Variants in COL22A1 observed in about 807,000 individuals in gnomAD.
The protein encoded by COL22A1 is collagen type XXII alpha 1 chain, also known as collagen alpha-1(XXII) chain.
COL22A1 carries 221 observed loss-of-function variants against 248.9 expected under a neutral mutation model. That is an observed-to-expected ratio of 0.89 (90% confidence interval 0.80 to 0.99). COL22A1 has a LOEUF of 0.99. COL22A1 is among the 50% of genes least tolerant of loss of function. The pLI is 0.00. For missense variants in COL22A1, 2,240 were observed against 2,179.0 expected (o/e 1.03, Z -0.56); for synonymous variants, 891 against 793.4 (o/e 1.12, Z -2.07).
intron 52 of COL22A1, among the ~76,000 whole-genome samples, chr8:138,619,742 C>T (rs1284087645): frequency 6.6e-6 from 1 of 152,118 alleles, no homozygotes; most frequent in Non-Finnish European, 1.5e-5. Flanking sequence ...GTTGCATCTC[C>T]AAATTAATTA....
chr8:138,811,781 G>A lies in COL22A1; in HGVS notation c.1449+18C>T, dbSNP rs770107532. The A allele has an allele frequency of 6.2e-7, 1 of 1,610,978 alleles. No homozygotes were observed. Among genetic ancestry groups the A allele is most frequent in the South Asian group, 1.1e-5 (1 of 90,974 alleles). On this transcript the variant is annotated intron_variant, in intron 9 of 64. Transcript: ENST00000303045. ...ACCCAGGGTTCTGCTGGGGCTGAAG[G>A]TGGACTGCAGACAATACCTTCTCTC... is the stretch of plus-strand genomic sequence containing the variant.
At chr8:138,682,557 A>G (rs892210008) in intron 39 of COL22A1, among the ~76,000 whole-genome samples, 10 of 152,206 alleles carry the variant, frequency 6.6e-5, no homozygotes, top group Non-Finnish European at 7.3e-5. Context: ...TTCACTGGAT[A>G]TGGGCATACC....
chr8:138,639,903 C>A (rs947918099), intron 47 of COL22A1, among the ~76,000 whole-genome samples: 1 of 152,166 alleles, frequency 6.6e-6, no homozygotes, highest in Admixed American at 6.5e-5. Context: ...GAGAAGTTTA[C>A]CTTTGCTTTG....
intron 30 of COL22A1, among the ~76,000 whole-genome samples, chr8:138,711,810 G>T (rs79511148): frequency 0.044 from 6,670 of 152,256 alleles, 198 homozygotes; most frequent in East Asian, 0.12. Context: ...AAGGATGCAA[G>T]AGCCCTCTGG....
rs776883280 is a variant in COL22A1, at chr8:138,685,304, C to A, written c.2871G>T (p.Ala957=). ...KDGERGEKGA[A]GEEGSPGPVG... is the part of the protein sequence containing the mutation. Reference sequence around the variant, plus strand: ...CTGGCCCTGGGCTGCCTTCTTCCCCCGCTGCACCCTGGAAAGAAAAGTAGA... The same window carrying A: ...CTGGCCCTGGGCTGCCTTCTTCCCCAGCTGCACCCTGGAAAGAAAAGTAGA... Residue 957 remains alanine (A), a synonymous_variant, in exon 38 of 65, where the codon GCG becomes GCT. Coordinates refer to ENST00000303045, the MANE Select transcript of COL22A1 (RefSeq NM_152888.3). 2 of 1,613,478 alleles carry A rather than the reference C, an allele frequency of 1.2e-6. No individual in the cohort carries two copies. Among genetic ancestry groups the A allele is most frequent in the African/African-American group, 2.7e-5 (2 of 74,902 alleles).
At chr8:138,858,896 G>C (rs142026903) in intron 3 of COL22A1, among the ~76,000 whole-genome samples, 49 of 152,332 alleles carry the variant, frequency 3.2e-4, no homozygotes, top group African/African-American at 1.1e-3. Context: ...CTGGAGAGGA[G>C]ATAGGCCTTC....
At chr8:138,865,697 T>C (rs1822821340) in intron 3 of COL22A1, among the ~76,000 whole-genome samples, 1 of 148,876 alleles carries the variant, frequency 6.7e-6, no homozygotes, top group South Asian at 2.1e-4. Flanking sequence ...GTGTATATGT[T>C]TGTATGCCTG....
intron 1 of COL22A1, among the ~76,000 whole-genome samples, chr8:138,907,183 T>C (rs1273633462): frequency 6.6e-6 from 1 of 152,188 alleles, no homozygotes; most frequent in Non-Finnish European, 1.5e-5. Flanking sequence ...TGTGGGGCTC[T>C]CCAGCTCATT....
At chr8:138,883,301 C>A in intron 1 of COL22A1, 57 bp from the exon 2 acceptor site, 1 of 954,862 alleles carries the variant, frequency 1.0e-6, no homozygotes, top group Non-Finnish European at 1.5e-6. Flanking sequence ...CTGTGAGAGG[C>A]AAACTCTGGG....
At chr8:138,670,209 C>A (rs938283114) in intron 41 of COL22A1, among the ~76,000 whole-genome samples, 6 of 152,084 alleles carry the variant, frequency 3.9e-5, no homozygotes, top group Non-Finnish European at 4.4e-5. Context: ...ATATAAAAAC[C>A]AACTCCTGGT....
intron 1 of COL22A1, among the ~76,000 whole-genome samples, chr8:138,889,067 T>C (rs1390643709): frequency 6.6e-6 from 1 of 152,190 alleles, no homozygotes; most frequent in East Asian, 1.9e-4. Flanking sequence ...GATTATTGCA[T>C]GAGCTCATGT....
In COL22A1 at chr8:138,756,431, C is replaced by T. The variant is rs144996619; in HGVS notation, c.1903-602G>A. 1.7e-4 allele frequency among the ~76,000 whole-genome samples: 26 copies of T among 152,202 alleles called. No individual in the cohort carries two copies. The East Asian group carries it at 2.1e-3, about 12-fold the overall frequency. On this transcript the variant is annotated intron_variant, in intron 18 of 64. Transcript: ENST00000303045. The stretch of plus-strand genomic sequence containing the variant: ...GCCTGACCGGATGTTCCAGCGTGTG[C>T]GCTACAACTTGGTCCTAAATGAAGC...
At chr8:138,626,042 AG>A (rs1820209459) in intron 51 of COL22A1, 147 bp downstream of exon 51, 1 of 615,100 alleles carries the variant, frequency 1.6e-6, no homozygotes, top group Non-Finnish European at 2.7e-6. Context: ...TAAACAAGTT[AG>A]TGATTATTTT....
chr8:138,877,797 T>C lies in COL22A1; in HGVS notation c.611A>G (p.Asn204Ser), dbSNP rs760480324. The part of the protein sequence containing the change: ...SAHVFHVSDF[N>S]AIDKIRGKLR... ...CTTGCCCCGGATCTTGTCGATGGCA[T>C]TGAAGTCGGACACGTGGAAGACGTG... The change falls in exon 3 of 65, where the codon AAT (asparagine) becomes AGT (serine). Residue 204 changes from asparagine (N) to serine (S), a missense_variant. Transcript: ENST00000303045. The C allele has an allele frequency of 1.5e-5, 24 of 1,609,076 alleles. No individual in the cohort carries two copies. Among genetic ancestry groups the C allele is most frequent in the Admixed American group, 6.7e-5 (4 of 59,290 alleles).
intron 40 of COL22A1, among the ~76,000 whole-genome samples, chr8:138,678,082 T>C (rs1825699867): frequency 6.6e-6 from 1 of 152,224 alleles, no homozygotes. Context: ...TTTCCTATAG[T>C]ACAACCGTTG....
chr8:138,694,294 C>A (rs183821701), intron 34 of COL22A1, among the ~76,000 whole-genome samples: 29 of 152,314 alleles, frequency 1.9e-4, no homozygotes, highest in African/African-American at 6.5e-4. Context: ...AGAGTAGGGA[C>A]ATCCAGGGGT....
At chr8:138,727,174 G>A (rs556319766) in intron 23 of COL22A1, among the ~76,000 whole-genome samples, 3 of 152,044 alleles carry the variant, frequency 2.0e-5, no homozygotes, top group Admixed American at 6.6e-5. Flanking sequence ...AGTTCACCAC[G>A]CCCTCCTCCC....
intron 16 of COL22A1, among the ~76,000 whole-genome samples, chr8:138,766,970 GACC>G (rs751192101): frequency 3.9e-5 from 6 of 152,184 alleles, no homozygotes; most frequent in Non-Finnish European, 7.3e-5. Context: ...CTGAGAGTGA[GACC>G]CCGGGCTCCG....
intron 12 of COL22A1, among the ~76,000 whole-genome samples, chr8:138,794,263 T>G (rs753792763): frequency 1.6e-4 from 24 of 152,072 alleles, no homozygotes; most frequent in Non-Finnish European, 3.2e-4. Flanking sequence ...GATGCACGCC[T>G]GTAGTCCCAG....
Sources: gnomAD v4.1 joint callset for allele counts (sites outside exome capture counted in the v4.1 genomes callset) on GRCh38, gnomAD v4.1.1 for gene constraint, MANE v1.5 for transcripts, NCBI Gene and HGNC (gene_info 2026-07-23, HGNC 2026-07-21) for gene names.